Variants in NPAS3 observed in about 807,000 individuals in gnomAD.
The protein encoded by NPAS3 is neuronal PAS domain protein 3, also known as neuronal PAS domain-containing protein 3.
In NPAS3, 14 loss-of-function variants were observed where a neutral mutation model predicts 73.1. The ratio of observed to expected loss-of-function variants is 0.19; its 90% confidence interval spans 0.13 to 0.30. The LOEUF is 0.30. Among genes scored for constraint, NPAS3 ranks in the 10% least tolerant of loss-of-function variants. The pLI is 1.00. For synonymous variants in NPAS3, 620 were observed against 541.5 expected, an observed-to-expected ratio of 1.14 and a Z score of -2.01; for missense variants, 1,096 against 1,250.0, an observed-to-expected ratio of 0.88 and a Z score of 1.86.
intron 3 of NPAS3, among the ~76,000 whole-genome samples, chr14:33,312,606 C>T (rs908195422): frequency 6.6e-6 from 1 of 152,032 alleles, no homozygotes; most frequent in African/African-American, 2.4e-5. Flanking sequence ...TTACCGATCA[C>T]GTCTTTAGTA....
chr14:33,030,598 A>G (rs926671371), intron 1 of NPAS3, among the ~76,000 whole-genome samples: 4 of 152,168 alleles, frequency 2.6e-5, no homozygotes, highest in Non-Finnish European at 5.9e-5. Flanking sequence ...ATTCACCCAG[A>G]TCAGACTCAA....
intron 7 of NPAS3, among the ~76,000 whole-genome samples, chr14:33,764,588 G>C (rs1214779653): frequency 2.0e-5 from 3 of 152,168 alleles, no homozygotes; most frequent in Non-Finnish European, 4.4e-5. Flanking sequence ...GACTAGTTCT[G>C]AGTCTTTTTT....
At chr14:33,232,589 C>T (rs1190847212) in intron 3 of NPAS3, among the ~76,000 whole-genome samples, 1 of 152,100 alleles carries the variant, frequency 6.6e-6, no homozygotes, top group Non-Finnish European at 1.5e-5. Flanking sequence ...GCAAACCTCA[C>T]CCTTCCTGTG....
At chr14:32,941,851 T>A (rs770543969) in intron 1 of NPAS3, among the ~76,000 whole-genome samples, 4 of 152,212 alleles carry the variant, frequency 2.6e-5, no homozygotes, top group Admixed American at 6.5e-5. Flanking sequence ...CTTGGTCCCT[T>A]ATCCAAACAG....
At chr14:32,967,021 T>C (rs1330405713) in intron 1 of NPAS3, among the ~76,000 whole-genome samples, 1 of 152,158 alleles carries the variant, frequency 6.6e-6, no homozygotes, top group Non-Finnish European at 1.5e-5. Context: ...TTCACTACTA[T>C]GCATCTGACA....
intron 2 of NPAS3, among the ~76,000 whole-genome samples, chr14:33,115,743 T>C (rs1350576845): frequency 2.6e-5 from 4 of 152,148 alleles, no homozygotes; most frequent in Non-Finnish European, 4.4e-5. Flanking sequence ...CATCAGGGAT[T>C]TGTTTTGATA....
At chr14:33,748,051 A>C (rs1387722838) in intron 7 of NPAS3, among the ~76,000 whole-genome samples, 1 of 152,238 alleles carries the variant, frequency 6.6e-6, no homozygotes, top group Non-Finnish European at 1.5e-5. Context: ...ATAACAGGAA[A>C]TTCCTAGAAC....
chr14:32,966,524 TC>T (rs1256708392), intron 1 of NPAS3, among the ~76,000 whole-genome samples: 1 of 152,148 alleles, frequency 6.6e-6, no homozygotes, highest in East Asian at 1.9e-4. Flanking sequence ...TAGACGGTTC[TC>T]TCTCACCACT....
chr14:33,231,759 G>T (rs2047858966), intron 3 of NPAS3, among the ~76,000 whole-genome samples: 1 of 152,042 alleles, frequency 6.6e-6, no homozygotes. Context: ...ATGTGCAAAA[G>T]ATATCTAAGT....
intron 2 of NPAS3, among the ~76,000 whole-genome samples, chr14:33,211,002 T>G (rs1234492145): frequency 6.6e-6 from 1 of 152,164 alleles, no homozygotes; most frequent in Non-Finnish European, 1.5e-5. Flanking sequence ...ATTGCAGGCA[T>G]TAGAAGGAAA....
chr14:33,075,054 A>T (rs1369809463), intron 2 of NPAS3, among the ~76,000 whole-genome samples: 1 of 152,184 alleles, frequency 6.6e-6, no homozygotes, highest in East Asian at 1.9e-4. Context: ...TAGAAAGTAG[A>T]TTTTTATCTT....
At chr14:33,296,562 C>G (rs1489457352) in intron 3 of NPAS3, among the ~76,000 whole-genome samples, 1 of 152,180 alleles carries the variant, frequency 6.6e-6, no homozygotes, top group Non-Finnish European at 1.5e-5. Context: ...ACCTGGGGTG[C>G]AGCTGGTAAC....
chr14:33,343,676 G>A (rs940567805), intron 3 of NPAS3, among the ~76,000 whole-genome samples: 3 of 152,136 alleles, frequency 2.0e-5, no homozygotes, highest in South Asian at 2.1e-4. Context: ...GCAAGGTCTC[G>A]TTCGTGGTTT....
chr14:33,657,455 C>T (rs990593705), intron 5 of NPAS3, among the ~76,000 whole-genome samples: 2 of 152,192 alleles, frequency 1.3e-5, no homozygotes, highest in Non-Finnish European at 2.9e-5. Flanking sequence ...TATGAGTATA[C>T]AGTTAACTAA....
chr14:33,084,572 C>T (rs2138748460), intron 2 of NPAS3, among the ~76,000 whole-genome samples: 1 of 152,244 alleles, frequency 6.6e-6, no homozygotes, highest in Non-Finnish European at 1.5e-5. Context: ...ACCCTTCCTC[C>T]TATAAAAATA....
chr14:33,072,618 T>G (rs10151616), intron 2 of NPAS3, among the ~76,000 whole-genome samples: 59,788 of 152,024 alleles, frequency 0.39, 12,386 homozygotes, highest in Middle Eastern at 0.6. Flanking sequence ...ATCATAACCC[T>G]GAATGGATAT....
intron 6 of NPAS3, among the ~76,000 whole-genome samples, chr14:33,706,089 G>A (rs918659458): frequency 6.6e-6 from 1 of 152,212 alleles, no homozygotes; most frequent in Admixed American, 6.5e-5. Context: ...CAAATCCCGG[G>A]ATGACATTAG....
chr14:33,753,483 A>T (rs1029567608), intron 7 of NPAS3, among the ~76,000 whole-genome samples: 2 of 152,076 alleles, frequency 1.3e-5, no homozygotes, highest in African/African-American at 4.8e-5. Flanking sequence ...TCCATCACTG[A>T]TTTTGGCCAG....
intron 4 of NPAS3, among the ~76,000 whole-genome samples, chr14:33,401,885 C>T (rs1162370485): frequency 6.6e-6 from 1 of 152,032 alleles, no homozygotes; most frequent in African/African-American, 2.4e-5. Context: ...AGCAGTGCAG[C>T]AGGGCACTCC....
Sources: gnomAD v4.1 joint callset for allele counts (sites outside exome capture counted in the v4.1 genomes callset) on GRCh38, gnomAD v4.1.1 for gene constraint, MANE v1.5 for transcripts, NCBI Gene and HGNC (gene_info 2026-07-23, HGNC 2026-07-21) for gene names.